Variants in ITGA2 observed in about 807,000 individuals in gnomAD.
ITGA2 encodes the protein integrin alpha-2.
Under a neutral mutation model 146.3 loss-of-function variants are expected in ITGA2, and 101 were observed. That is an observed-to-expected ratio of 0.69 (90% CI 0.59 to 0.81). The LOEUF (loss-of-function observed/expected upper bound fraction) is 0.81. Ranked by LOEUF, ITGA2 falls within the 40% of genes least tolerant of loss-of-function variation. The pLI is 0.00. For missense variants in ITGA2, 1,281 were observed against 1,402.7 expected (o/e 0.91, Z 1.39); for synonymous variants, 477 against 487.1 (o/e 0.98, Z 0.27).
chr5:52,996,875 A>G (rs1741286647), intron 1 of ITGA2, among the ~76,000 whole-genome samples: 1 of 152,220 alleles, frequency 6.6e-6, no homozygotes, highest in African/African-American at 2.4e-5. Context: ...TAGAAATAAC[A>G]GTCTCATATA....
chr5:53,025,532 G>T (rs41302836), intron 1 of ITGA2, among the ~76,000 whole-genome samples: 2 of 152,144 alleles, frequency 1.3e-5, no homozygotes. Flanking sequence ...TAAAGTCCCC[G>T]TTGCTTCATC....
At chr5:53,075,169 T>C in intron 22 of ITGA2, 32 bp downstream of exon 22, 1 of 1,602,742 alleles carries the variant, frequency 6.2e-7, no homozygotes, top group Non-Finnish European at 8.5e-7. Flanking sequence ...AATGGAATGA[T>C]GGATAGCTTT....
chr5:52,999,842 A>C (rs987543527), intron 1 of ITGA2, among the ~76,000 whole-genome samples: 2 of 152,210 alleles, frequency 1.3e-5, no homozygotes, highest in Non-Finnish European at 1.5e-5. Flanking sequence ...CATGTCTCCC[A>C]ACACAGCTTA....
intron 2 of ITGA2, among the ~76,000 whole-genome samples, chr5:53,033,801 T>C (rs1204775346): frequency 6.6e-6 from 1 of 151,554 alleles, no homozygotes; most frequent in Non-Finnish European, 1.5e-5. Context: ...TCTCACTCTT[T>C]TGCCCAGGAT....
Position 53,072,714 on chromosome 5 carries a change from C to A in ITGA2, c.2429+19C>A. On this transcript the variant is annotated intron_variant, in intron 19 of 29. Transcript: ENST00000296585. Reference sequence around the variant, plus strand: ...CTGCTCAGTAAGTTTTACTTTAAAGCTTGTTGTAAAATGTAGAAATAAAAG... The same window carrying A: ...CTGCTCAGTAAGTTTTACTTTAAAGATTGTTGTAAAATGTAGAAATAAAAG... The A allele has an allele frequency of 6.4e-7, 1 of 1,574,020 alleles. No homozygotes were observed.
intron 16 of ITGA2, 28 bp downstream of exon 16, chr5:53,067,285 GA>G (rs1561139292): frequency 6.2e-7 from 1 of 1,610,176 alleles, no homozygotes; most frequent in East Asian, 2.2e-5. Context: ...AATCTGTATA[GA>G]AATTGGTTGG....
rs376501228 is a variant in ITGA2, at chr5:53,080,418, G to A, written c.2929-93G>A. On this transcript the variant is annotated intron_variant, in intron 24 of 29. Coordinates refer to ENST00000296585, the MANE Select transcript of ITGA2 (RefSeq NM_002203.4). ...CATTTGGACTCAGTCTTACCACCTCGTAGTTGCCCTTCATCAACACGGGGT... is the reference window on the plus strand; with the variant it reads ...CATTTGGACTCAGTCTTACCACCTCATAGTTGCCCTTCATCAACACGGGGT... 1.1e-5 allele frequency: 10 copies of A among 919,360 alleles called. No homozygotes were observed. The East Asian group carries it at 1.2e-4, about 11-fold the overall frequency. 57.0% of individuals were successfully genotyped at this position (919,360 alleles called of 1,614,324 possible). A position where few individuals can be genotyped will look rare whatever the true frequency, so the allele number is the denominator to read the frequency against.
chr5:53,056,545 TGAA>T (rs200371614), intron 9 of ITGA2, among the ~76,000 whole-genome samples: 5 of 151,930 alleles, frequency 3.3e-5, no homozygotes, highest in African/African-American at 9.7e-5. Context: ...GGACAATGTA[TGAA>T]TATCTATCTA....
Position 53,080,289 on chromosome 5 carries a change from G to A in ITGA2, c.2929-222G>A, listed in dbSNP as rs3212613. On this transcript the variant is annotated intron_variant, in intron 24 of 29. Coordinates refer to ENST00000296585, the MANE Select transcript of ITGA2 (RefSeq NM_002203.4). ...TCCTACTGCTCAAGGTCATTGCCAA[G>A]GTATGATCGAAATTTCAAAAAAATT... 0.11 allele frequency among the ~76,000 whole-genome samples: 16,724 copies of A among 152,116 alleles called. 1,127 individuals are homozygous for A. Among genetic ancestry groups the A allele is most frequent in the African/African-American group, 0.18 (7,656 of 41,506 alleles).
intron 1 of ITGA2, among the ~76,000 whole-genome samples, chr5:53,013,385 T>TC (rs1381324876): frequency 1.3e-5 from 2 of 151,950 alleles, no homozygotes; most frequent in African/African-American, 4.8e-5. Context: ...TTTTTTTTTT[T>TC]TTGTCAACTT....
chr5:53,075,313 A>G lies in ITGA2; in HGVS notation c.2825+9A>G. 1 of 1,609,788 alleles carries G rather than the reference A, an allele frequency of 6.2e-7. No homozygotes were observed. The highest frequency in any genetic ancestry group is 1.1e-5 in the South Asian group (1 of 90,996). ...GAAATTCACTTAACAAGGTAGGTGA[A>G]GCAGTGGGTAACCTGCTATCACTGA... On this transcript the variant is annotated intron_variant, in intron 23 of 29. Coordinates refer to ENST00000296585, the MANE Select transcript of ITGA2 (RefSeq NM_002203.4).
chr5:53,056,605 T>A (rs1744646895), intron 9 of ITGA2, among the ~76,000 whole-genome samples: 1 of 151,992 alleles, frequency 6.6e-6, no homozygotes, highest in Non-Finnish European at 1.5e-5. Flanking sequence ...TTATGTAAGT[T>A]CTAAAATTCT....
intron 16 of ITGA2, among the ~76,000 whole-genome samples, chr5:53,069,616 G>A (rs1745295182): frequency 6.6e-6 from 1 of 151,840 alleles, no homozygotes; most frequent in Non-Finnish European, 1.5e-5. Flanking sequence ...GTGAACTTAG[G>A]TGAATTATTT....
chr5:53,074,978 C>T, intron 21 of ITGA2, 83 bp from the exon 22 acceptor site: 1 of 927,386 alleles, frequency 1.1e-6, no homozygotes, highest in East Asian at 2.4e-5. Context: ...AGTGAGTTTA[C>T]TTTTATGAGA....
At chr5:53,079,315 G>A (rs998429845) in intron 24 of ITGA2, among the ~76,000 whole-genome samples, 2 of 152,054 alleles carry the variant, frequency 1.3e-5, no homozygotes, top group African/African-American at 4.8e-5. Flanking sequence ...AAAGTCTTTG[G>A]CATATAATTA....
chr5:53,078,978 C>T (rs769603803), intron 24 of ITGA2, 104 bp downstream of exon 24: 8 of 739,764 alleles, frequency 1.1e-5, no homozygotes, highest in Admixed American at 2.0e-5. Flanking sequence ...GAAAGAGATC[C>T]GTGGTTCTCA....
intron 1 of ITGA2, among the ~76,000 whole-genome samples, chr5:53,025,530 C>T (rs1742896734): frequency 6.6e-6 from 1 of 152,114 alleles, no homozygotes; most frequent in Non-Finnish European, 1.5e-5. Flanking sequence ...CTTAAAGTCC[C>T]CGTTGCTTCA....
At chr5:53,006,445 T>C (rs1741856219) in intron 1 of ITGA2, among the ~76,000 whole-genome samples, 1 of 152,226 alleles carries the variant, frequency 6.6e-6, no homozygotes, top group South Asian at 2.1e-4. Flanking sequence ...TATTTTAAAT[T>C]AATCTGTCTT....
At chr5:53,017,983 C>T (rs903311402) in intron 1 of ITGA2, among the ~76,000 whole-genome samples, 1 of 152,012 alleles carries the variant, frequency 6.6e-6, no homozygotes, top group Non-Finnish European at 1.5e-5. Flanking sequence ...TGCTGGAGCC[C>T]TCTGATGGCC....
Sources: gnomAD v4.1 joint callset for allele counts (sites outside exome capture counted in the v4.1 genomes callset) on GRCh38, gnomAD v4.1.1 for gene constraint, MANE v1.5 for transcripts, NCBI Gene and HGNC (gene_info 2026-07-23, HGNC 2026-07-21) for gene names.